The following TAF4B variants were observed in gnomAD, a reference collection of about 807,000 sequenced individuals.
TAF4B encodes TATA-box binding protein associated factor 4b.
TAF4B carries 38 observed loss-of-function variants against 86.4 expected under a neutral mutation model. The observed-to-expected ratio is 0.44, with a 90% CI of 0.34 to 0.58. TAF4B has a LOEUF of 0.58. Among genes scored for constraint, TAF4B ranks in the 20% least tolerant of loss-of-function variants. The pLI is 0.02. For missense variants in TAF4B, 988 were observed against 1,027.6 expected, an observed-to-expected ratio of 0.96 and a Z score of 0.53; for synonymous variants, 388 against 391.2, an observed-to-expected ratio of 0.99 and a Z score of 0.10.
intron 1 of TAF4B, among the ~76,000 whole-genome samples, chr18:26,233,809 A>G (rs1032096583): frequency 6.6e-6 from 1 of 152,182 alleles, no homozygotes; most frequent in South Asian, 2.1e-4. Flanking sequence ...ACTTAGGCAT[A>G]TGGGTGAAGT....
chr18:26,256,723 C>T (rs1164695601), intron 1 of TAF4B, among the ~76,000 whole-genome samples: 1 of 151,772 alleles, frequency 6.6e-6, no homozygotes, highest in Non-Finnish European at 1.5e-5. Flanking sequence ...TTTCATTCAT[C>T]TCAAAAGTAT....
intron 14 of TAF4B, among the ~76,000 whole-genome samples, chr18:26,373,551 C>CA (rs1404966477): frequency 2.0e-5 from 3 of 151,892 alleles, no homozygotes; most frequent in African/African-American, 7.3e-5. Context: ...AATGTTTTGC[C>CA]AATTGCTTTC....
At chr18:26,271,067 T>C (rs964367825) in intron 3 of TAF4B, among the ~76,000 whole-genome samples, 1 of 152,202 alleles carries the variant, frequency 6.6e-6, no homozygotes, top group African/African-American at 2.4e-5. Flanking sequence ...AAGAATGAAG[T>C]TAATGATATC....
At chr18:26,368,789 A>T (rs945598308) in intron 14 of TAF4B, among the ~76,000 whole-genome samples, 1 of 152,168 alleles carries the variant, frequency 6.6e-6, no homozygotes, top group Non-Finnish European at 1.5e-5. Context: ...ACCTAGACAT[A>T]AATCTGAATT....
chr18:26,256,256 A>C (rs1004366610), intron 1 of TAF4B: 7 of 1,537,228 alleles, frequency 4.6e-6, no homozygotes, highest in Admixed American at 3.3e-5. Context: ...AGTCCTTTTC[A>C]TAGCGTTTAC....
At chr18:26,350,025 T>G (rs1047033431) in intron 13 of TAF4B, among the ~76,000 whole-genome samples, 1 of 152,114 alleles carries the variant, frequency 6.6e-6, no homozygotes, top group Non-Finnish European at 1.5e-5. Context: ...GAAGAATAAA[T>G]GTACACCTCC....
intron 14 of TAF4B, among the ~76,000 whole-genome samples, chr18:26,368,257 T>C (rs1398207404): frequency 6.6e-6 from 1 of 152,214 alleles, no homozygotes; most frequent in Non-Finnish European, 1.5e-5. Flanking sequence ...TTCTTTACCA[T>C]ATTTGCTAGT....
chr18:26,278,249 GTTAAT>G (rs1203799553), intron 5 of TAF4B, among the ~76,000 whole-genome samples: 5 of 152,100 alleles, frequency 3.3e-5, no homozygotes, highest in African/African-American at 1.2e-4. Context: ...ATTTAGTAAA[GTTAAT>G]TTTTACTGCT....
At chr18:26,274,567 G>A in intron 3 of TAF4B, 96 bp from the exon 4 acceptor site, 1 of 1,354,338 alleles carries the variant, frequency 7.4e-7, no homozygotes, top group Non-Finnish European at 1.0e-6. Flanking sequence ...TAAAACCACA[G>A]ATGTCAAAAT....
chr18:26,362,204 C>A (rs548613378), intron 14 of TAF4B, among the ~76,000 whole-genome samples: 1 of 152,110 alleles, frequency 6.6e-6, no homozygotes. Flanking sequence ...TTCTTTAAAC[C>A]CCATACCTCA....
chr18:26,318,995 AC>A (rs1181483922), intron 10 of TAF4B, among the ~76,000 whole-genome samples: 1 of 151,588 alleles, frequency 6.6e-6, no homozygotes, highest in East Asian at 2.0e-4. Flanking sequence ...GAAGCTAGAG[AC>A]CAGCCTGGGC....
At chr18:26,323,644 G>T (rs1181576188) in intron 11 of TAF4B, among the ~76,000 whole-genome samples, 1 of 151,530 alleles carries the variant, frequency 6.6e-6, no homozygotes, top group Non-Finnish European at 1.5e-5. Context: ...AGTCTGGTTT[G>T]ATGTGTATAT....
intron 14 of TAF4B, among the ~76,000 whole-genome samples, chr18:26,361,223 CT>C (rs1351969056): frequency 2.0e-5 from 3 of 151,946 alleles, no homozygotes; most frequent in African/African-American, 4.8e-5. Flanking sequence ...GTGCCAGCCC[CT>C]AGTAACCATA....
At chr18:26,233,058 G>A (rs1291947499) in intron 1 of TAF4B, among the ~76,000 whole-genome samples, 5 of 152,162 alleles carry the variant, frequency 3.3e-5, no homozygotes, top group African/African-American at 7.2e-5. Flanking sequence ...TAGTTGGTGG[G>A]GAGGCAGATA....
intron 1 of TAF4B, among the ~76,000 whole-genome samples, chr18:26,245,432 G>T (rs2055907885): frequency 6.6e-6 from 1 of 152,082 alleles, no homozygotes; most frequent in Non-Finnish European, 1.5e-5. Context: ...CAGTGTGGAA[G>T]GGGACCCAAG....
At chr18:26,307,999 T>G (rs940389004) in intron 9 of TAF4B, among the ~76,000 whole-genome samples, 4 of 152,060 alleles carry the variant, frequency 2.6e-5, no homozygotes, top group African/African-American at 9.7e-5. Context: ...TCCCAGCTAC[T>G]TGGGAGGCTG....
intron 1 of TAF4B, among the ~76,000 whole-genome samples, chr18:26,243,625 T>C (rs546119428): frequency 2.6e-5 from 4 of 152,346 alleles, no homozygotes; most frequent in Admixed American, 1.3e-4. Flanking sequence ...GTTCCATTGC[T>C]GGTGAGGAGC....
intron 14 of TAF4B, among the ~76,000 whole-genome samples, chr18:26,360,301 G>GT (rs757259000): frequency 6.6e-6 from 1 of 152,080 alleles, no homozygotes; most frequent in African/African-American, 2.4e-5. Flanking sequence ...TTAATAGAGT[G>GT]TTTAAGTTAT....
chr18:26,229,963 AAAT>A (rs976175474), intron 1 of TAF4B, among the ~76,000 whole-genome samples: 4 of 150,170 alleles, frequency 2.7e-5, no homozygotes, highest in African/African-American at 7.4e-5. Flanking sequence ...TTTAAAAAAA[AAAT>A]ATATATATAT....
Sources: allele counts gnomAD v4.1 joint callset (sites outside exome capture counted in the v4.1 genomes callset), GRCh38; gene constraint gnomAD v4.1.1; transcripts MANE v1.5; gene names NCBI Gene and HGNC (gene_info 2026-07-23, HGNC 2026-07-21).